The following CFAP77 variants were observed in gnomAD, a reference collection of about 807,000 sequenced individuals.
CFAP77 encodes cilia- and flagella-associated protein 77.
In CFAP77, 25 loss-of-function variants were observed where a neutral mutation model predicts 31.1. The ratio of observed to expected loss-of-function variants is 0.80; its 90% CI spans 0.59 to 1.12. The LOEUF is 1.12. Among genes scored for constraint, CFAP77 ranks in the 50% most tolerant of loss-of-function variants. The pLI is 0.00. For missense variants in CFAP77, 377 were observed against 397.3 expected, an observed-to-expected ratio of 0.95 and a Z score of 0.44; for synonymous variants, 151 against 159.9, an observed-to-expected ratio of 0.94 and a Z score of 0.42.
chr9:132,557,719 C>G (rs1226645864), intron 5 of CFAP77, among the ~76,000 whole-genome samples: 2 of 152,124 alleles, frequency 1.3e-5, no homozygotes, highest in African/African-American at 2.4e-5. Flanking sequence ...ACAAGGCTGC[C>G]GGGAGTCCAT....
intron 1 of CFAP77, among the ~76,000 whole-genome samples, chr9:132,453,505 G>A (rs10793929): frequency 0.16 from 23,873 of 152,174 alleles, 2,361 homozygotes; most frequent in East Asian, 0.29. Flanking sequence ...CAGCCTGGGC[G>A]ACAGAGCGAG....
rs1023748741 is a variant in CFAP77, at chr9:132,511,996, G to C, written c.524+12396G>C. 1.3e-5 allele frequency among the ~76,000 whole-genome samples: 2 copies of C among 152,024 alleles called. No homozygotes were observed. The highest frequency in any genetic ancestry group is 1.3e-4 in the Admixed American group (2 of 15,274). The stretch of plus-strand genomic sequence containing the variant: ...TTGAACCTGGGAGGCAGAGGTTGCA[G>C]TGAGCCAAGATCATGCCACTGCACT... On this transcript the variant is annotated intron_variant, in intron 3 of 5. Coordinates refer to ENST00000393216, the MANE Select transcript of CFAP77 (RefSeq NM_001282957.2). This position sits in a 1 kb window ranked among gnomAD's most constrained non-coding sequence, Gnocchi z 5.8.
chr9:132,500,199 T>G (rs479332), intron 3 of CFAP77, among the ~76,000 whole-genome samples: 93,987 of 150,080 alleles, frequency 0.63, 30,506 homozygotes, highest in East Asian at 0.82. Context: ...GAGTGACAGA[T>G]GGGAGAGCCT....
In CFAP77 at chr9:132,424,988, G is replaced by T. The variant is rs1352556596; in HGVS notation, c.195+14522G>T. Among the ~76,000 whole-genome samples the T allele has an allele frequency of 2.0e-5, 3 of 152,174 alleles. No homozygotes were observed. Among genetic ancestry groups the T allele is most frequent in the Non-Finnish European group, 4.4e-5 (3 of 68,032 alleles). ...CACCCTCGCAGTTAGTTAGCATTTA[G>T]ATAGACTGGGACTGGGGCCCACACA... On this transcript the variant is annotated intron_variant, in intron 1 of 5. Transcript: ENST00000393216. The surrounding 1 kb of genome is among the most constrained non-coding windows in gnomAD (Gnocchi z 4.1).
chr9:132,450,230 G>A (rs1485043695), intron 1 of CFAP77, among the ~76,000 whole-genome samples: 3 of 150,588 alleles, frequency 2.0e-5, no homozygotes, highest in Non-Finnish European at 4.4e-5. Flanking sequence ...ACGCCCGGCC[G>A]ATTAAGAGTT....
At chr9:132,544,136 T>TCACC (rs1852693266) in intron 5 of CFAP77, among the ~76,000 whole-genome samples, 1 of 146,136 alleles carries the variant, frequency 6.8e-6, no homozygotes, top group Non-Finnish European at 1.5e-5. Flanking sequence ...CTGTAGAGCT[T>TCACC]CACCGGAGAA....
At chr9:132,435,245 G>C (rs894167834) in intron 1 of CFAP77, among the ~76,000 whole-genome samples, 8 of 152,138 alleles carry the variant, frequency 5.3e-5, no homozygotes, top group African/African-American at 1.9e-4. Flanking sequence ...GACAGAAAGC[G>C]AGTGGGCTAA....
intron 1 of CFAP77, among the ~76,000 whole-genome samples, chr9:132,420,679 A>G (rs1160561438): frequency 2.0e-5 from 3 of 151,666 alleles, no homozygotes; most frequent in South Asian, 2.1e-4. Flanking sequence ...AAAAAAAAAA[A>G]AGAAGAACAG....
rs1829875953 is a variant in CFAP77 at position 132,565,599 on chromosome 9, C to A, written c.733-6789C>A. On this transcript the variant is annotated intron_variant, in intron 5 of 5. Transcript: ENST00000393216. This position sits in a 1 kb window ranked among gnomAD's most constrained non-coding sequence, Gnocchi z 4.1. ...TGAGCTGAGATCACACCACTGCACT[C>A]CAGCCTGGGCAACGAGAATGAAACC... Among the ~76,000 whole-genome samples, 1 of 151,988 alleles carries A rather than the reference C, an allele frequency of 6.6e-6. No homozygotes were observed. Among genetic ancestry groups the A allele is most frequent in the South Asian group, 2.1e-4 (1 of 4,806 alleles).
Position 132,565,857 on chromosome 9 carries a change from C to T in CFAP77, c.733-6531C>T, listed in dbSNP as rs1193212066. Among the ~76,000 whole-genome samples the T allele has an allele frequency of 6.6e-6, 1 of 152,156 alleles. No homozygotes were observed. Among genetic ancestry groups the T allele is most frequent in the Non-Finnish European group, 1.5e-5 (1 of 68,030 alleles). On this transcript the variant is annotated intron_variant, in intron 5 of 5. Coordinates refer to ENST00000393216, the MANE Select transcript of CFAP77 (RefSeq NM_001282957.2). This position sits in a 1 kb window ranked among gnomAD's most constrained non-coding sequence, Gnocchi z 4.1. ...TAACAGGACCAGCTCCTTCGCCAAC[C>T]GGGATAAAGCCTCCCGCTCGCCCGG...
chr9:132,410,577 G>A, intron 1 of CFAP77, 111 bp downstream of exon 1: 1 of 947,158 alleles, frequency 1.1e-6, no homozygotes, highest in Non-Finnish European at 1.5e-6. Context: ...TCCGAGCGCA[G>A]CGTGGGAAGC....
At chr9:132,431,185 T>A (rs1850404338) in intron 1 of CFAP77, among the ~76,000 whole-genome samples, 1 of 152,144 alleles carries the variant, frequency 6.6e-6, no homozygotes, top group Admixed American at 6.5e-5. Flanking sequence ...CTAAAATAAA[T>A]AACAGAACTT....
At chr9:132,449,707 T>C (rs1035348037) in intron 1 of CFAP77, among the ~76,000 whole-genome samples, 6 of 152,182 alleles carry the variant, frequency 3.9e-5, no homozygotes, top group Admixed American at 1.3e-4. Context: ...GGAACGGGAT[T>C]GTGGAGTTAC....
chr9:132,462,779 G>A (rs113103047), intron 1 of CFAP77, among the ~76,000 whole-genome samples: 10,246 of 151,984 alleles, frequency 0.067, 412 homozygotes, highest in South Asian at 0.12. Context: ...TCGTGCCACC[G>A]CACTCCAGCT....
At chr9:132,416,804 A>T (rs890905992) in intron 1 of CFAP77, among the ~76,000 whole-genome samples, 1 of 148,182 alleles carries the variant, frequency 6.7e-6, no homozygotes, top group African/African-American at 2.5e-5. Flanking sequence ...CATCTGGCTA[A>T]TTTTTGTATT....
intron 3 of CFAP77, among the ~76,000 whole-genome samples, chr9:132,516,474 G>A (rs11243808): frequency 0.091 from 13,862 of 152,142 alleles, 708 homozygotes; most frequent in South Asian, 0.13. Flanking sequence ...CAGTGTGGAA[G>A]GGAGGTGGGT....
At chr9:132,557,803 A>G (rs556581342) in intron 5 of CFAP77, among the ~76,000 whole-genome samples, 1 of 152,090 alleles carries the variant, frequency 6.6e-6, no homozygotes, top group East Asian at 1.9e-4. Flanking sequence ...CCTTGCTCCA[A>G]CCTACCTGCT....
At chr9:132,466,240 G>A (rs1851148943) in intron 1 of CFAP77, among the ~76,000 whole-genome samples, 1 of 152,176 alleles carries the variant, frequency 6.6e-6, no homozygotes, top group Non-Finnish European at 1.5e-5. Context: ...GCTGACATGA[G>A]CATTTTTTTA....
rs1472702660 is a variant in CFAP77 at position 132,475,095 on chromosome 9, A to G, written c.196-23600A>G. Among the ~76,000 whole-genome samples the G allele has an allele frequency of 7.9e-5, 12 of 152,240 alleles. No homozygotes were observed. In the East Asian group the frequency reaches 2.3e-3, roughly 29 times the overall value. On this transcript the variant is annotated intron_variant, in intron 1 of 5. Transcript: ENST00000393216. ...AAACTTTTAACTGTTTTGTTGTTCCAATAGAGATGATTTAGGACAAGGAGA... is the reference window on the plus strand; with the variant it reads ...AAACTTTTAACTGTTTTGTTGTTCCGATAGAGATGATTTAGGACAAGGAGA...
Sources: allele counts gnomAD v4.1 joint callset (sites outside exome capture counted in the v4.1 genomes callset), GRCh38; gene constraint gnomAD v4.1.1; non-coding constraint Gnocchi (gnomAD v3.1); transcripts MANE v1.5; gene names NCBI Gene and HGNC (gene_info 2026-07-23, HGNC 2026-07-21).